Variants in ASS1 observed in about 807,000 individuals in gnomAD.
ASS1 encodes the protein argininosuccinate synthase 1.
Under a neutral mutation model 60.5 loss-of-function variants are expected in ASS1, and 58 were observed. That is an observed-to-expected ratio of 0.96 (90% CI 0.78 to 1.19). The LOEUF is 1.19. ASS1 is among the 50% of genes most tolerant of loss of function. ASS1 has a pLI of 0.00. For synonymous variants in ASS1, 200 were observed against 206.9 expected, an observed-to-expected ratio of 0.97 and a Z score of 0.29; for missense variants, 454 against 547.3, an observed-to-expected ratio of 0.83 and a Z score of 1.70.
At chr9:130,473,352 A>T (rs986240521) in intron 8 of ASS1, among the ~76,000 whole-genome samples, 2 of 152,036 alleles carry the variant, frequency 1.3e-5, no homozygotes, top group African/African-American at 2.4e-5. Context: ...GTCCCATGCT[A>T]CCTCTTCATG....
intron 12 of ASS1, among the ~76,000 whole-genome samples, chr9:130,490,778 G>A (rs1477035254): frequency 1.3e-5 from 2 of 152,158 alleles, no homozygotes; most frequent in Non-Finnish European, 2.9e-5. Flanking sequence ...GGGAGGTTGA[G>A]CCATTTGAGA....
At chr9:130,446,720 C>T (rs1350406845) in intron 1 of ASS1, among the ~76,000 whole-genome samples, 1 of 152,184 alleles carries the variant, frequency 6.6e-6, no homozygotes, top group African/African-American at 2.4e-5. Context: ...CCTCCCAACC[C>T]GGGCCCATCT....
In ASS1 at chr9:130,491,055, G is replaced by A. The variant is rs2118869308; in HGVS notation, c.970+1591G>A. ...CTCTCCCCCTCCACTCCCAGATTTT[G>A]TTTCCTTTTAAGCCTCCTAATCACT... On this transcript the variant is annotated intron_variant, in intron 12 of 14. Coordinates refer to ENST00000352480, the MANE Select transcript of ASS1 (RefSeq NM_054012.4). The surrounding 1 kb of genome is among the most constrained non-coding windows in gnomAD (Gnocchi z 5.3). Among the ~76,000 whole-genome samples the A allele has an allele frequency of 6.6e-6, 1 of 152,260 alleles. No homozygotes were observed. The highest frequency in any genetic ancestry group is 2.4e-5 in the African/African-American group (1 of 41,544).
In ASS1 at chr9:130,500,996, TC is replaced by T; in HGVS notation, c.1216del (p.Gln406ArgfsTer35). 1 of 1,613,738 alleles carries T rather than the reference TC, an allele frequency of 6.2e-7. No individual in the cohort carries two copies. The highest frequency in any genetic ancestry group is 1.1e-5 in the South Asian group (1 of 91,078). ...TACAGGCTGAAGGAATATCATCGTC[TC>T]CAGAGCAAGGTCACTGCCAAATAGA... is the stretch of plus-strand genomic sequence containing the variant. ...NSLRLKEYHR[L>X]QSKVTAK On this transcript the variant is annotated frameshift_variant, in exon 15 of 15. Coordinates refer to ENST00000352480, the MANE Select transcript of ASS1 (RefSeq NM_054012.4). LOFTEE classifies it high-confidence loss of function.
intron 3 of ASS1, among the ~76,000 whole-genome samples, chr9:130,455,074 C>G (rs1845417330): frequency 2.0e-5 from 3 of 148,732 alleles, no homozygotes; most frequent in Non-Finnish European, 3.0e-5. Context: ...CATCCATTCA[C>G]CCATCATCCA....
intron 11 of ASS1, among the ~76,000 whole-genome samples, chr9:130,486,149 C>A (rs898497500): frequency 6.6e-6 from 1 of 152,074 alleles, no homozygotes; most frequent in Non-Finnish European, 1.5e-5. Context: ...TTTGTAGAGA[C>A]GGGGTCTCCC....
chr9:130,458,566 G>A lies in ASS1; in HGVS notation c.340G>A (p.Val114Met), dbSNP rs779412497. 3 of 1,613,114 alleles carry A rather than the reference G, an allele frequency of 1.9e-6. No homozygotes were observed. Among genetic ancestry groups the A allele is most frequent in the Non-Finnish European group, 2.5e-6 (3 of 1,179,884 alleles). Residue 114 changes from valine to methionine, a missense_variant, in exon 4 of 15, where the codon GTG becomes ATG. Transcript: ENST00000352480. ...CGCCCAGCGGGAGGGGGCCAAGTAT[G>A]TGTCCCACGGCGCCACAGGAAAGGT... Reference protein sequence around the residue: ...EIAQREGAKYVSHGATGKGND... With the variant: ...EIAQREGAKYMSHGATGKGND...
At chr9:130,446,250 G>A (rs1845192533) in intron 1 of ASS1, among the ~76,000 whole-genome samples, 2 of 152,190 alleles carry the variant, frequency 1.3e-5, no homozygotes, top group South Asian at 4.1e-4. Flanking sequence ...TAGACTGTTG[G>A]GTGCTGGGCC....
intron 4 of ASS1, 149 bp from the exon 5 acceptor site, chr9:130,463,962 C>T (rs1588480547): frequency 2.5e-6 from 2 of 805,808 alleles, no homozygotes; most frequent in African/African-American, 3.4e-5. Context: ...CATGCCCACA[C>T]ATACACGACC....
At position 130,489,232 on chromosome 9, in the gene ASS1, C is replaced by T; in HGVS notation, c.839-101C>T. 3.4e-6 allele frequency: 5 copies of T among 1,491,924 alleles called. No individual in the cohort carries two copies. The highest frequency in any genetic ancestry group is 4.6e-6 in the Non-Finnish European group (5 of 1,087,366). The allele number at this position is 1,491,924 out of a possible 1,614,324, so 92.4% of individuals were successfully genotyped here. A position where few individuals can be genotyped will look rare whatever the true frequency, so the allele number is the denominator to read the frequency against. On this transcript the variant is annotated intron_variant, in intron 11 of 14. Transcript: ENST00000352480. The surrounding 1 kb of genome is among the most constrained non-coding windows in gnomAD (Gnocchi z 4.1). ...CCGGCTTGTCTCCTGTCAGACGACT[C>T]ATTATTATTATTATTTTTTTTTTTG...
intron 8 of ASS1, among the ~76,000 whole-genome samples, chr9:130,475,741 GTTTT>G (rs35568745): frequency 3.0e-5 from 3 of 101,368 alleles, no homozygotes. Flanking sequence ...TGTGCAAGGT[GTTTT>G]TTTTTTTTTT....
Position 130,476,125 on chromosome 9 carries a change from CCAGGCACAG to C in ASS1, c.598-745_598-737del, listed in dbSNP as rs1846011964. Reference sequence around the variant, plus strand: ...GGATGTCAGCAGGTGAACAAGGACCCCAGGCACAGGATGCCCACAGGAGGGACCTGAGCA... The same window carrying C: ...GGATGTCAGCAGGTGAACAAGGACCCGATGCCCACAGGAGGGACCTGAGCA... On this transcript the variant is annotated intron_variant, in intron 8 of 14. Coordinates refer to ENST00000352480, the MANE Select transcript of ASS1 (RefSeq NM_054012.4). The surrounding 1 kb of genome is among the most constrained non-coding windows in gnomAD (Gnocchi z 4.9). 1.3e-5 allele frequency among the ~76,000 whole-genome samples: 2 copies of C among 152,096 alleles called. No homozygotes were observed. The highest frequency in any genetic ancestry group is 2.9e-5 in the Non-Finnish European group (2 of 68,026).
chr9:130,457,071 C>T (rs1367696287), intron 3 of ASS1, among the ~76,000 whole-genome samples: 1 of 152,158 alleles, frequency 6.6e-6, no homozygotes, highest in African/African-American at 2.4e-5. Context: ...TAACTATTTT[C>T]TCAAACAAAA....
intron 10 of ASS1, chr9:130,480,033 G>A (rs1453953142): frequency 1.4e-6 from 1 of 699,624 alleles, no homozygotes; most frequent in Non-Finnish European, 2.6e-6. Context: ...TGCCTCCAAG[G>A]GATCATTAGG....
chr9:130,466,849 C>T, intron 6 of ASS1, 50 bp downstream of exon 6: 1 of 1,588,142 alleles, frequency 6.3e-7, no homozygotes, highest in Non-Finnish European at 8.6e-7. Flanking sequence ...TAGCCCCCTT[C>T]CCGGGCACGT....
At chr9:130,486,281 A>G (rs1382961521) in intron 11 of ASS1, among the ~76,000 whole-genome samples, 1 of 152,034 alleles carries the variant, frequency 6.6e-6, no homozygotes, top group African/African-American at 2.4e-5. Flanking sequence ...TTTGGTAGAG[A>G]TGGGGTCTCA....
chr9:130,460,508 C>T (rs1215984), intron 4 of ASS1, among the ~76,000 whole-genome samples: 97,093 of 151,910 alleles, frequency 0.64, 34,271 homozygotes, highest in East Asian at 0.96. Flanking sequence ...CAGGGAACTG[C>T]GGGAGCAGCA....
intron 6 of ASS1, 43 bp downstream of exon 6, chr9:130,466,842 C>A: frequency 1.9e-6 from 3 of 1,599,740 alleles, no homozygotes; most frequent in Non-Finnish European, 2.6e-6. Flanking sequence ...TTCCCTATAG[C>A]CCCCTTCCCG....
chr9:130,486,285 G>A (rs761002107), intron 11 of ASS1, among the ~76,000 whole-genome samples: 5 of 152,006 alleles, frequency 3.3e-5, no homozygotes, highest in Admixed American at 6.6e-5. Context: ...GTAGAGATGG[G>A]GTCTCACTAT....
Sources: gnomAD v4.1 joint callset for allele counts (sites outside exome capture counted in the v4.1 genomes callset) on GRCh38, gnomAD v4.1.1 for gene constraint, Gnocchi (gnomAD v3.1) non-coding constraint, MANE v1.5 for transcripts, NCBI Gene and HGNC (gene_info 2026-07-23, HGNC 2026-07-21) for gene names.